TNRC6B: variants seen among roughly 807,000 people sequenced by gnomAD.
The protein encoded by TNRC6B is trinucleotide repeat containing adaptor 6B.
TNRC6B carries 52 observed loss-of-function variants against 203.6 expected under a neutral mutation model. The ratio of observed to expected loss-of-function variants is 0.26; its 90% CI spans 0.20 to 0.32. The LOEUF (loss-of-function observed/expected upper bound fraction) is 0.32. Ranked by LOEUF, TNRC6B falls within the 10% of genes least tolerant of loss-of-function variation. TNRC6B has a pLI of 1.00. For missense variants in TNRC6B, 1,923 were observed against 2,286.2 expected (o/e 0.84, Z 3.24); for synonymous variants, 838 against 845.7 (o/e 0.99, Z 0.16).
At chr22:40,171,242 A>C (rs1601856984) in intron 4 of TNRC6B, among the ~76,000 whole-genome samples, 1 of 148,508 alleles carries the variant, frequency 6.7e-6, no homozygotes. Context: ...GCTCACTGCA[A>C]CCTCCGCTTC....
At chr22:40,308,896 C>T (rs1005970151) in intron 16 of TNRC6B, among the ~76,000 whole-genome samples, 16 of 152,260 alleles carry the variant, frequency 1.1e-4, no homozygotes, top group African/African-American at 3.9e-4. Context: ...CTTGGGCACC[C>T]ACCAAGGTGA....
At chr22:40,215,339 T>C (rs1049912000) in intron 1 of TNRC6B, among the ~76,000 whole-genome samples, 1 of 152,172 alleles carries the variant, frequency 6.6e-6, no homozygotes, top group African/African-American at 2.4e-5. Context: ...CAAGCCCCCA[T>C]TCTCTGTGTG....
intron 4 of TNRC6B, among the ~76,000 whole-genome samples, chr22:40,156,719 C>G (rs1315567595): frequency 6.6e-6 from 1 of 150,808 alleles, no homozygotes; most frequent in Non-Finnish European, 1.5e-5. Flanking sequence ...CAGGATCTCT[C>G]CCCTAACTCC....
chr22:40,279,922 G>C (rs1391757811), intron 9 of TNRC6B, 73 bp from the exon 10 acceptor site: 1 of 1,380,072 alleles, frequency 7.2e-7, no homozygotes, highest in East Asian at 2.3e-5. Context: ...GAGGATAGTG[G>C]GGCAGGTCAC....
At chr22:40,062,398 G>A (rs1454138050) in intron 1 of TNRC6B, among the ~76,000 whole-genome samples, 1 of 152,034 alleles carries the variant, frequency 6.6e-6, no homozygotes, top group African/African-American at 2.4e-5. Flanking sequence ...TACTTGAAAT[G>A]GGGTTTCACC....
chr22:40,141,652 A>G (rs1197108717), intron 3 of TNRC6B, among the ~76,000 whole-genome samples: 1 of 152,068 alleles, frequency 6.6e-6, no homozygotes, highest in Non-Finnish European at 1.5e-5. Flanking sequence ...CCCTCCTCTG[A>G]CTGACTGCCC....
At chr22:40,218,196 A>AT (rs2069660571) in intron 1 of TNRC6B, among the ~76,000 whole-genome samples, 1 of 151,918 alleles carries the variant, frequency 6.6e-6, no homozygotes, top group Non-Finnish European at 1.5e-5. Context: ...GATTTTTAAA[A>AT]TTTTTTTATA....
At chr22:40,110,143 A>G (rs572055035) in intron 1 of TNRC6B, among the ~76,000 whole-genome samples, 4 of 152,296 alleles carry the variant, frequency 2.6e-5, no homozygotes, top group African/African-American at 9.6e-5. Flanking sequence ...AATCTGCTTA[A>G]TTATTTCTTT....
chr22:40,313,017 G>A lies in TNRC6B; in HGVS notation c.4678+20G>A. The A allele has an allele frequency of 2.5e-6, 4 of 1,599,130 alleles. No individual in the cohort carries two copies. The highest frequency in any genetic ancestry group is 3.4e-6 in the Non-Finnish European group (4 of 1,168,768). On this transcript the variant is annotated intron_variant, in intron 19 of 22. Transcript: ENST00000454349. ...CTTCAGGTATGAGTGTGAATTTTTT[G>A]TTTCCCTTTGGTTAGCACTTTTTCA... is the stretch of plus-strand genomic sequence containing the variant.
At chr22:40,239,561 T>A (rs1343662621) in intron 1 of TNRC6B, among the ~76,000 whole-genome samples, 1 of 152,156 alleles carries the variant, frequency 6.6e-6, no homozygotes, top group Non-Finnish European at 1.5e-5. Context: ...GTGATGGGCA[T>A]TAAAGAGGAT....
chr22:40,208,111 C>CAAAAAAA (rs905832467), intron 1 of TNRC6B, among the ~76,000 whole-genome samples: 5 of 74,918 alleles, frequency 6.7e-5, no homozygotes, highest in Admixed American at 4.1e-4. Context: ...GACTCCATCT[C>CAAAAAAA]AAAAAAAAAA....
intron 1 of TNRC6B, among the ~76,000 whole-genome samples, chr22:40,070,730 T>C (rs2067939353): frequency 6.6e-6 from 1 of 152,192 alleles, no homozygotes; most frequent in African/African-American, 2.4e-5. Context: ...AGGTTCACAA[T>C]TCCTTATCAG....
chr22:40,057,493 A>G (rs558995256), intron 1 of TNRC6B, among the ~76,000 whole-genome samples: 1 of 152,156 alleles, frequency 6.6e-6, no homozygotes, highest in East Asian at 1.9e-4. Flanking sequence ...GGATTTCTCC[A>G]TGTTGGTCAG....
intron 1 of TNRC6B, among the ~76,000 whole-genome samples, chr22:40,065,114 TG>T (rs1418043296): frequency 3.8e-5 from 4 of 104,322 alleles, no homozygotes; most frequent in South Asian, 6.4e-4. Flanking sequence ...TTTTGGAGGG[TG>T]GGGGTGGAGG....
At chr22:40,304,415 CAGAG>C (rs1601508352) in intron 15 of TNRC6B, among the ~76,000 whole-genome samples, 1 of 152,076 alleles carries the variant, frequency 6.6e-6, no homozygotes, top group East Asian at 1.9e-4. Context: ...GAGAGGGAGA[CAGAG>C]AGAAAGAATA....
intron 6 of TNRC6B, 25 bp from the exon 7 acceptor site, chr22:40,273,384 ATATAGCTGTTGCAAAG>A (rs1295384026): frequency 6.6e-7 from 1 of 1,514,036 alleles, no homozygotes; most frequent in Non-Finnish European, 8.9e-7. Flanking sequence ...TGATTGTTTT[ATATAGCTGTTGCAAAG>A]AGTTAATTCA....
intron 15 of TNRC6B, 119 bp from the exon 16 acceptor site, chr22:40,308,393 G>A (rs1222535866): frequency 1.6e-5 from 19 of 1,169,536 alleles, no homozygotes; most frequent in African/African-American, 3.0e-5. Flanking sequence ...ACCTGTTTCT[G>A]AGTGGAGAAA....
chr22:40,285,536 A>G, intron 11 of TNRC6B, 109 bp from the exon 12 acceptor site: 6 of 1,346,210 alleles, frequency 4.5e-6, no homozygotes, highest in Non-Finnish European at 6.0e-6. Context: ...CTGTTATTCC[A>G]TCGAACACAG....
intron 21 of TNRC6B, among the ~76,000 whole-genome samples, chr22:40,319,520 G>A (rs2071307288): frequency 6.6e-6 from 1 of 151,292 alleles, no homozygotes; most frequent in Non-Finnish European, 1.5e-5. Flanking sequence ...CCGCCTCCCG[G>A]GTTAATGCGG....
Sources: allele counts gnomAD v4.1 joint callset (sites outside exome capture counted in the v4.1 genomes callset), GRCh38; gene constraint gnomAD v4.1.1; transcripts MANE v1.5; gene names NCBI Gene and HGNC (gene_info 2026-07-23, HGNC 2026-07-21).